The following FBLN7 variants were observed in gnomAD, a reference collection of about 807,000 sequenced individuals.
FBLN7 encodes fibulin-7.
In FBLN7, 31 loss-of-function variants were observed where a neutral mutation model predicts 44.0. The observed-to-expected ratio is 0.70, with a 90% confidence interval of 0.53 to 0.95. FBLN7 has a LOEUF of 0.95. Ranked by LOEUF, FBLN7 falls within the 40% of genes least tolerant of loss-of-function variation. The pLI is 0.00. For missense variants in FBLN7, 573 were observed against 618.5 expected (o/e 0.93, Z 0.78); for synonymous variants, 262 against 253.4 (o/e 1.03, Z -0.32).
the FBLN7 span, among the ~76,000 whole-genome samples, chr2:112,242,283 C>G: frequency 6.6e-6 from 1 of 152,098 alleles, no homozygotes; most frequent in African/African-American, 2.4e-5. Flanking sequence ...CAAAAGAAAT[C>G]AAAAGAATAT....
the FBLN7 span, among the ~76,000 whole-genome samples, chr2:112,200,737 G>T: frequency 1.3e-5 from 2 of 152,022 alleles, no homozygotes; most frequent in African/African-American, 2.4e-5. Flanking sequence ...CGTCATGTTG[G>T]CCAGGCTGGT....
At chr2:112,160,799 C>T (rs1442402772) in intron 2 of FBLN7, among the ~76,000 whole-genome samples, 2 of 128,210 alleles carry the variant, frequency 1.6e-5, no homozygotes, top group African/African-American at 5.7e-5. Flanking sequence ...CACGCACACA[C>T]GCACGCACAC....
At chr2:112,143,454 A>G (rs1017257836) in intron 1 of FBLN7, among the ~76,000 whole-genome samples, 2 of 152,180 alleles carry the variant, frequency 1.3e-5, no homozygotes, top group African/African-American at 4.8e-5. Context: ...ACAGGTCTCC[A>G]AATTCCACCA....
At chr2:112,205,755 G>A in the FBLN7 span, among the ~76,000 whole-genome samples, 1 of 151,998 alleles carries the variant, frequency 6.6e-6, no homozygotes, top group Non-Finnish European at 1.5e-5. Flanking sequence ...CAGCTAGCAT[G>A]AGTCTTCAAA....
intron 4 of FBLN7, chr2:112,176,903 C>G (rs1454550050): frequency 2.0e-5 from 3 of 151,622 alleles, no homozygotes; most frequent in Non-Finnish European, 2.9e-5. Context: ...TGTTCTAAAC[C>G]CCACTCTTTA....
At chr2:112,203,293 G>C in the FBLN7 span, among the ~76,000 whole-genome samples, 4 of 152,140 alleles carry the variant, frequency 2.6e-5, no homozygotes, top group Admixed American at 1.3e-4. Context: ...CTCACACACA[G>C]AGTTCCTCTA....
At chr2:112,211,220 C>T in the FBLN7 span, among the ~76,000 whole-genome samples, 4 of 152,298 alleles carry the variant, frequency 2.6e-5, no homozygotes, top group African/African-American at 7.2e-5. Flanking sequence ...TGATAATCTG[C>T]CCCACATTTT....
downstream of FBLN7, among the ~76,000 whole-genome samples, chr2:112,192,269 T>C (rs1166799516): frequency 6.6e-6 from 1 of 152,216 alleles, no homozygotes; most frequent in East Asian, 1.9e-4. Flanking sequence ...GTAAGAATTA[T>C]GTTATTTTCC....
the FBLN7 span, among the ~76,000 whole-genome samples, chr2:112,210,916 T>G: frequency 1.3e-5 from 2 of 152,164 alleles, no homozygotes; most frequent in African/African-American, 4.8e-5. Flanking sequence ...CTGGGCTGCT[T>G]GGAGAAATGG....
intron 1 of FBLN7, chr2:112,151,540 T>C (rs1681161651): frequency 6.6e-6 from 1 of 152,222 alleles, no homozygotes; most frequent in Admixed American, 6.5e-5. Flanking sequence ...TCCTCGCCGC[T>C]GAGAATAAAG....
the FBLN7 span, among the ~76,000 whole-genome samples, chr2:112,240,984 T>TGTGCGC: frequency 7.6e-6 from 1 of 132,332 alleles, no homozygotes; most frequent in African/African-American, 3.0e-5. Flanking sequence ...TGTGTGTGTG[T>TGTGCGC]GCGCGTGTGT....
At chr2:112,186,876 G>A (rs1683293861) in intron 7 of FBLN7, among the ~76,000 whole-genome samples, 1 of 152,160 alleles carries the variant, frequency 6.6e-6, no homozygotes, top group South Asian at 2.1e-4. Context: ...ATAAATGTAT[G>A]TGCACACACA....
At chr2:112,196,859 G>C in the FBLN7 span, among the ~76,000 whole-genome samples, 23 of 152,280 alleles carry the variant, frequency 1.5e-4, no homozygotes, top group African/African-American at 5.5e-4. Context: ...TGGCTGGGGA[G>C]GCCTCACAAT....
chr2:112,209,534 A>C, the FBLN7 span, among the ~76,000 whole-genome samples: 1 of 152,174 alleles, frequency 6.6e-6, no homozygotes, highest in Admixed American at 6.5e-5. Flanking sequence ...TGGGCCCACA[A>C]AGCATGGCAT....
chr2:112,182,895 T>C lies in FBLN7; in HGVS notation c.775T>C (p.Tyr259His). 5 of 1,613,044 alleles carry C rather than the reference T, an allele frequency of 3.1e-6. No individual in the cohort carries two copies. The highest frequency in any genetic ancestry group is 4.2e-6 in the Non-Finnish European group (5 of 1,179,866). Residue 259 changes from tyrosine (Y) to histidine (H), a missense_variant, in exon 6 of 8, where the codon TAC (tyrosine) becomes CAC (histidine). Tyr to His is a moderately conservative substitution (Grantham distance 83). Coordinates refer to ENST00000331203, the MANE Select transcript of FBLN7 (RefSeq NM_153214.3). ...GSYRCTCPGG[Y>H]RTLADGKSCE... Reference sequence around the variant, plus strand: ...TTACCGTTGCACCTGCCCCGGTGGATACCGAACTCTGGCTGACGGGAAGAG... The same window carrying C: ...TTACCGTTGCACCTGCCCCGGTGGACACCGAACTCTGGCTGACGGGAAGAG...
At chr2:112,184,685 G>GTATATATGTATATATATGTATATGGTA (rs1683162205) in intron 6 of FBLN7, among the ~76,000 whole-genome samples, 1 of 144,868 alleles carries the variant, frequency 6.9e-6, no homozygotes, top group Non-Finnish European at 1.5e-5. Flanking sequence ...TGTATATGGT[G>GTATATATGTATATATATGTATATGGTA]TATATATGGT....
intron 1 of FBLN7, among the ~76,000 whole-genome samples, chr2:112,153,840 G>T (rs1302351854): frequency 6.6e-6 from 1 of 152,232 alleles, no homozygotes; most frequent in Non-Finnish European, 1.5e-5. Flanking sequence ...AGTAAACACT[G>T]TGCGAGAAGG....
Position 112,187,420 on chromosome 2 carries a change from G to A in FBLN7, c.1234G>A (p.Val412Ile), listed in dbSNP as rs201976044. 4.8e-4 allele frequency: 767 copies of A among 1,614,158 alleles called. 2 individuals are homozygous for A. Among genetic ancestry groups the A allele is most frequent in the East Asian group, 9.8e-4 (44 of 44,874 alleles). The change falls in exon 8 of 8, where the codon GTC (valine) becomes ATC (isoleucine). Residue 412 changes from valine (V) to isoleucine (I), a missense_variant. Val to Ile is a conservative substitution (Grantham distance 29, BLOSUM62 3). Transcript: ENST00000331203. This position sits in a 1 kb window ranked among gnomAD's most constrained non-coding sequence, Gnocchi z 5.1. ...GGGGCCTCAGACGCTGGAGGTGGAC[G>A]TCGACATGTCGGAATACCTGGACCG... ...LEGPQTLEVD[V>I]DMSEYLDRSF...
chr2:112,138,646 G>C lies in FBLN7; in HGVS notation c.-10G>C. 2 of 1,613,764 alleles carry C rather than the reference G, an allele frequency of 1.2e-6. No individual in the cohort carries two copies. The highest frequency in any genetic ancestry group is 2.2e-5 in the East Asian group (1 of 44,832). ...TTCCCCTCCCAGGCAGCGGGATTCC[G>C]ACTGGCAAGATGGTGCCCAGCTCTC... On this transcript the variant is annotated 5_prime_UTR_variant, in exon 1 of 8. Transcript: ENST00000331203.
Sources: allele counts gnomAD v4.1 joint callset (sites outside exome capture counted in the v4.1 genomes callset), GRCh38; gene constraint gnomAD v4.1.1; non-coding constraint Gnocchi (gnomAD v3.1); transcripts MANE v1.5; gene names NCBI Gene and HGNC (gene_info 2026-07-23, HGNC 2026-07-21).